The following CDH12 variants were observed in gnomAD, a reference collection of about 807,000 sequenced individuals.
The protein encoded by CDH12 is cadherin 12.
Under a neutral mutation model 74.1 loss-of-function variants are expected in CDH12, and 41 were observed. That is an observed-to-expected ratio of 0.55 (90% CI 0.43 to 0.72). The LOEUF is 0.72. Among genes scored for constraint, CDH12 ranks in the 30% least tolerant of loss-of-function variants. The pLI is 0.00. For synonymous variants in CDH12, 399 were observed against 355.0 expected (o/e 1.12, Z -1.39); for missense variants, 945 against 977.2 (o/e 0.97, Z 0.44).
intron 5 of CDH12, among the ~76,000 whole-genome samples, chr5:21,993,812 G>A (rs1017631678): frequency 1.5e-4 from 23 of 151,972 alleles, no homozygotes; most frequent in African/African-American, 4.1e-4. Context: ...GTTATTTTCA[G>A]CTGCTAAGTT....
rs537429911 is a variant in CDH12, at chr5:22,415,566, A to C, written c.-427-10215T>G. Among the ~76,000 whole-genome samples, 10 of 152,338 alleles carry C rather than the reference A, an allele frequency of 6.6e-5. No homozygotes were observed. The South Asian group carries it at 2.1e-3, about 32-fold the overall frequency. On this transcript the variant is annotated intron_variant, in intron 2 of 14. Coordinates refer to ENST00000382254, the MANE Select transcript of CDH12 (RefSeq NM_004061.5). ...GATTCCTATGAATACTATTCACTGA[A>C]GAAGCCCAGGCTGGCTTGTTGAAAA... is the stretch of plus-strand genomic sequence containing the variant.
At chr5:22,820,154 G>C (rs2126472436) in intron 1 of CDH12, among the ~76,000 whole-genome samples, 1 of 151,152 alleles carries the variant, frequency 6.6e-6, no homozygotes, top group East Asian at 1.9e-4. Flanking sequence ...TTCACAGTAA[G>C]ACCAAAAAAT....
chr5:22,287,734 A>T, intron 3 of CDH12, among the ~76,000 whole-genome samples: 1 of 151,740 alleles, frequency 6.6e-6, no homozygotes, highest in East Asian at 1.9e-4. Context: ...AAAAAAAAAA[A>T]AAAAAAATGT....
intron 3 of CDH12, among the ~76,000 whole-genome samples, chr5:22,401,938 A>C (rs1742746571): frequency 6.6e-6 from 1 of 152,184 alleles, no homozygotes; most frequent in Non-Finnish European, 1.5e-5. Context: ...CCAGAAGATA[A>C]GAAAGAGGCA....
intron 6 of CDH12, among the ~76,000 whole-genome samples, chr5:21,858,907 T>C (rs182986654): frequency 2.8e-4 from 42 of 152,126 alleles, no homozygotes; most frequent in African/African-American, 9.9e-4. Flanking sequence ...TTGAAATATG[T>C]ATACATTGTG....
Position 22,517,404 on chromosome 5 carries a change from G to A in CDH12, c.-522-12040C>T, listed in dbSNP as rs1736856917. 2.6e-5 allele frequency among the ~76,000 whole-genome samples: 4 copies of A among 151,792 alleles called. 1 individual carries two copies. In the South Asian group the frequency reaches 8.3e-4, roughly 31 times the overall value. On this transcript the variant is annotated intron_variant, in intron 1 of 14. Transcript: ENST00000382254. ...CATCACTTTTATGTTTATCACTCTG[G>A]TAACAAAGTTACATCATATTTACCT...
intron 4 of CDH12, among the ~76,000 whole-genome samples, chr5:22,153,180 T>A (rs1747722012): frequency 8.2e-6 from 1 of 122,356 alleles, no homozygotes; most frequent in Admixed American, 8.5e-5. Flanking sequence ...GTTTTTTTCT[T>A]TTCTTTTTTT....
chr5:22,679,027 G>C (rs1165399799), intron 1 of CDH12, among the ~76,000 whole-genome samples: 1 of 152,024 alleles, frequency 6.6e-6, no homozygotes, highest in Non-Finnish European at 1.5e-5. Flanking sequence ...GTTATCCATG[G>C]GACGTTCAGA....
At position 22,550,070 on chromosome 5, in the gene CDH12, C is replaced by T. The variant is rs755249377; in HGVS notation, c.-522-44706G>A. Reference sequence around the variant, plus strand: ...CACTTTCTTAGCAACATCTCACACACTTAGCTATCACTGCTTCCGTTTCTT... The same window carrying T: ...CACTTTCTTAGCAACATCTCACACATTTAGCTATCACTGCTTCCGTTTCTT... On this transcript the variant is annotated intron_variant, in intron 1 of 14. Transcript: ENST00000382254. Among the ~76,000 whole-genome samples, 5 of 152,218 alleles carry T rather than the reference C, an allele frequency of 3.3e-5. No homozygotes were observed. In the East Asian group the frequency reaches 7.7e-4, roughly 23 times the overall value.
chr5:22,164,510 C>T (rs1309540472), intron 4 of CDH12, among the ~76,000 whole-genome samples: 2 of 152,156 alleles, frequency 1.3e-5, no homozygotes, highest in South Asian at 2.1e-4. Flanking sequence ...TGGTGGACAG[C>T]GAGTGAAAGC....
chr5:22,446,823 T>G (rs981860181), intron 2 of CDH12, among the ~76,000 whole-genome samples: 7 of 152,162 alleles, frequency 4.6e-5, no homozygotes, highest in African/African-American at 1.7e-4. Context: ...TTTTTCAAAT[T>G]GTAAACATTA....
chr5:22,200,976 T>C (rs1167630664), intron 4 of CDH12, among the ~76,000 whole-genome samples: 1 of 152,128 alleles, frequency 6.6e-6, no homozygotes, highest in African/African-American at 2.4e-5. Flanking sequence ...AGAAGAAACA[T>C]TTGCACTCCA....
intron 6 of CDH12, among the ~76,000 whole-genome samples, chr5:21,893,515 C>T (rs975947567): frequency 1.3e-5 from 2 of 152,128 alleles, no homozygotes; most frequent in African/African-American, 4.8e-5. Context: ...TTTATTGTCA[C>T]CAGTAATATT....
chr5:22,249,869 A>G (rs1209594248), intron 3 of CDH12, among the ~76,000 whole-genome samples: 1 of 6,954 alleles, frequency 1.4e-4, no homozygotes, highest in African/African-American at 1.6e-4. Flanking sequence ...CAGATTATTC[A>G]CTCATTTTTG....
chr5:22,153,247 T>C lies in CDH12; in HGVS notation c.-187+59251A>G, dbSNP rs865938940. Among the ~76,000 whole-genome samples the C allele has an allele frequency of 8.9e-4, 135 of 150,944 alleles. 1 individual carries two copies. The highest frequency in any genetic ancestry group is 2.3e-3 in the South Asian group (11 of 4,730). On this transcript the variant is annotated intron_variant, in intron 4 of 14. Coordinates refer to ENST00000382254, the MANE Select transcript of CDH12 (RefSeq NM_004061.5). ...CAGTGGCTGCACCAATCTATATTCC[T>C]AAATTAAACTTCAATGTGCAGATGA... is the stretch of plus-strand genomic sequence containing the variant.
intron 3 of CDH12, among the ~76,000 whole-genome samples, chr5:22,279,028 A>G (rs1222255033): frequency 6.6e-6 from 1 of 152,166 alleles, no homozygotes; most frequent in African/African-American, 2.4e-5. Context: ...CAGGCAAAAC[A>G]TACATATATA....
chr5:22,707,919 G>A (rs1392736314), intron 1 of CDH12, among the ~76,000 whole-genome samples: 1 of 152,090 alleles, frequency 6.6e-6, no homozygotes, highest in African/African-American at 2.4e-5. Context: ...CTGAGAAACT[G>A]TAGTTCTTTG....
chr5:22,411,576 T>C lies in CDH12; in HGVS notation c.-427-6225A>G, dbSNP rs150043721. 3.3e-5 allele frequency among the ~76,000 whole-genome samples: 5 copies of C among 152,156 alleles called. No homozygotes were observed. The East Asian group carries it at 9.7e-4, about 29-fold the overall frequency. ...GCTATTTCACTATATTTCAACATTA[T>C]ATTTCCCCAGAGGACAATTTAAGAA... On this transcript the variant is annotated intron_variant, in intron 2 of 14. Coordinates refer to ENST00000382254, the MANE Select transcript of CDH12 (RefSeq NM_004061.5).
Position 21,883,455 on chromosome 5 carries a change from A to T in CDH12, c.527-28665T>A. ...AGAAGCTCTAAGTACACTCATCTTG[A>T]ATAGGCTAAAGGTTGGTCTTCAGGT... On this transcript the variant is annotated intron_variant, in intron 6 of 14. Transcript: ENST00000382254. The T allele has an allele frequency of 5.6e-6, 9 of 1,610,804 alleles. No homozygotes were observed. In the South Asian group the frequency reaches 9.9e-5, roughly 18 times the overall value.
Sources: allele counts gnomAD v4.1 joint callset (sites outside exome capture counted in the v4.1 genomes callset), GRCh38; gene constraint gnomAD v4.1.1; transcripts MANE v1.5; gene names NCBI Gene and HGNC (gene_info 2026-07-23, HGNC 2026-07-21).